The following GRIK1 variants were observed in gnomAD, a reference collection of about 807,000 sequenced individuals.
GRIK1 encodes glutamate receptor ionotropic, kainate 1.
In GRIK1, 69 loss-of-function variants were observed where a neutral mutation model predicts 105.7. The ratio of observed to expected loss-of-function variants is 0.65; its 90% CI spans 0.54 to 0.80. The LOEUF (loss-of-function observed/expected upper bound fraction) is 0.80, where lower values mean the gene tolerates loss of function less well. GRIK1 is among the 30% of genes least tolerant of loss of function. The pLI is 0.00. For missense variants in GRIK1, 1,109 were observed against 1,167.3 expected, an observed-to-expected ratio of 0.95 and a Z score of 0.73; for synonymous variants, 438 against 431.3, an observed-to-expected ratio of 1.02 and a Z score of -0.19.
chr21:29,870,216 C>G (rs1201316085), intron 1 of GRIK1, among the ~76,000 whole-genome samples: 3 of 151,992 alleles, frequency 2.0e-5, no homozygotes, highest in Admixed American at 6.6e-5. Context: ...ATGTTGTGTA[C>G]ATATCCATTC....
intron 1 of GRIK1, among the ~76,000 whole-genome samples, chr21:29,865,839 A>AC (rs2068783697): frequency 6.6e-6 from 1 of 152,122 alleles, no homozygotes; most frequent in Non-Finnish European, 1.5e-5. Context: ...GTGTGGCATG[A>AC]CCCCCAAATG....
chr21:29,845,763 T>A (rs1247327333), intron 1 of GRIK1, among the ~76,000 whole-genome samples: 2 of 152,202 alleles, frequency 1.3e-5, no homozygotes, highest in Non-Finnish European at 2.9e-5. Flanking sequence ...CCATATTGGA[T>A]CCTTTGAGAT....
chr21:29,778,983 T>C (rs547743551), intron 1 of GRIK1, among the ~76,000 whole-genome samples: 1 of 152,342 alleles, frequency 6.6e-6, no homozygotes, highest in East Asian at 1.9e-4. Flanking sequence ...TTCCTTGAAA[T>C]CTTCTATTTC....
intron 14 of GRIK1, among the ~76,000 whole-genome samples, chr21:29,572,828 T>C (rs558125865): frequency 7.9e-5 from 12 of 152,246 alleles, no homozygotes; most frequent in South Asian, 2.1e-4. Flanking sequence ...TGGAATGCAA[T>C]GGTGCGATCT....
intron 1 of GRIK1, among the ~76,000 whole-genome samples, chr21:29,742,407 C>G (rs910710433): frequency 3.3e-5 from 5 of 152,184 alleles, no homozygotes; most frequent in African/African-American, 9.6e-5. Context: ...CCTTCAAGTA[C>G]AACATCCATT....
intron 1 of GRIK1, among the ~76,000 whole-genome samples, chr21:29,907,934 A>G (rs1312423073): frequency 3.3e-5 from 5 of 152,134 alleles, no homozygotes; most frequent in African/African-American, 9.7e-5. Flanking sequence ...AAGTTTTACT[A>G]TTGTTTTGGT....
intron 1 of GRIK1, among the ~76,000 whole-genome samples, chr21:29,800,172 C>G (rs572154660): frequency 1.3e-5 from 2 of 152,162 alleles, no homozygotes; most frequent in Non-Finnish European, 2.9e-5. Flanking sequence ...ATGAAATACA[C>G]GATCTGGCTT....
intron 1 of GRIK1, 55 bp downstream of exon 1, chr21:29,939,328 C>T (rs1020990755): frequency 2.8e-6 from 3 of 1,054,104 alleles, no homozygotes; most frequent in Non-Finnish European, 4.3e-6. Context: ...GCTACACCCG[C>T]GTTGGTGCGG....
At chr21:29,593,297 C>T (rs546315568) in intron 9 of GRIK1, among the ~76,000 whole-genome samples, 2 of 152,152 alleles carry the variant, frequency 1.3e-5, no homozygotes, top group South Asian at 4.2e-4. Context: ...TCTTAATAAC[C>T]ATCCAACGTT....
chr21:29,896,809 G>C (rs557568815), intron 1 of GRIK1, among the ~76,000 whole-genome samples: 30 of 152,226 alleles, frequency 2.0e-4, no homozygotes, highest in African/African-American at 6.7e-4. Context: ...CAACACTACA[G>C]AGCTGGAGAG....
At position 29,805,976 on chromosome 21, in the gene GRIK1, G is replaced by T. The variant is rs559947882; in HGVS notation, c.119-111913C>A. Among the ~76,000 whole-genome samples the T allele has an allele frequency of 2.6e-5, 4 of 152,160 alleles. No individual in the cohort carries two copies. In the South Asian group the frequency reaches 8.3e-4, roughly 32 times the overall value. On this transcript the variant is annotated intron_variant, in intron 1 of 17. Coordinates refer to ENST00000327783, the MANE Select transcript of GRIK1 (RefSeq NM_001330994.2). ...TGTTGCCATATAAGAAACCAAACATGCTATAAATCACAGAGTAATAAAAAA... is the reference window on the plus strand; with the variant it reads ...TGTTGCCATATAAGAAACCAAACATTCTATAAATCACAGAGTAATAAAAAA...
chr21:29,814,191 T>G (rs919543239), intron 1 of GRIK1, among the ~76,000 whole-genome samples: 11 of 151,354 alleles, frequency 7.3e-5, no homozygotes, highest in African/African-American at 2.7e-4. Context: ...CCTCAGATGA[T>G]CCACCTGCCT....
chr21:29,757,214 T>C (rs976951842), intron 1 of GRIK1, among the ~76,000 whole-genome samples: 3 of 152,138 alleles, frequency 2.0e-5, no homozygotes, highest in Non-Finnish European at 2.9e-5. Flanking sequence ...TGTTCCAATA[T>C]CACATTTAAA....
intron 1 of GRIK1, among the ~76,000 whole-genome samples, chr21:29,934,000 A>G (rs1332818540): frequency 1.9e-4 from 3 of 15,400 alleles, no homozygotes; most frequent in Admixed American, 6.7e-4. Context: ...AAATTTTAGA[A>G]TATTTCCTAT....
intron 11 of GRIK1, among the ~76,000 whole-genome samples, chr21:29,587,816 A>C (rs1368629370): frequency 2.0e-5 from 3 of 152,094 alleles, no homozygotes; most frequent in Non-Finnish European, 4.4e-5. Flanking sequence ...TACATACACA[A>C]ATATATATCC....
intron 1 of GRIK1, among the ~76,000 whole-genome samples, chr21:29,735,446 A>G (rs2064764677): frequency 1.3e-5 from 2 of 152,226 alleles, no homozygotes; most frequent in African/African-American, 2.4e-5. Flanking sequence ...ATTGACAGAT[A>G]TAATTTTATG....
chr21:29,765,289 A>G (rs2065630936), intron 1 of GRIK1, among the ~76,000 whole-genome samples: 1 of 151,998 alleles, frequency 6.6e-6, no homozygotes, highest in Non-Finnish European at 1.5e-5. Context: ...AAAATCTAAT[A>G]TGTCTCTTTT....
chr21:29,541,637 T>G, intron 16 of GRIK1, among the ~76,000 whole-genome samples: 1 of 149,182 alleles, frequency 6.7e-6, no homozygotes, highest in Non-Finnish European at 1.5e-5. Flanking sequence ...TTCTTTAATT[T>G]GAGCCATCTG....
At chr21:29,916,665 A>C (rs182974152) in intron 1 of GRIK1, among the ~76,000 whole-genome samples, 1 of 148,578 alleles carries the variant, frequency 6.7e-6, no homozygotes, top group Non-Finnish European at 1.5e-5. Context: ...AGTTCTCTTG[A>C]TAGTAATTCA....
Sources: allele counts gnomAD v4.1 joint callset (sites outside exome capture counted in the v4.1 genomes callset), GRCh38; gene constraint gnomAD v4.1.1; transcripts MANE v1.5; gene names NCBI Gene and HGNC (gene_info 2026-07-23, HGNC 2026-07-21).